SIPA1L1: variants seen among roughly 807,000 people sequenced by gnomAD.
The protein encoded by SIPA1L1 is signal-induced proliferation-associated 1-like protein 1.
A neutral mutation model predicts 162.7 loss-of-function variants in SIPA1L1; 26 were observed. The observed-to-expected ratio is 0.16, with a 90% CI of 0.12 to 0.22. The LOEUF (loss-of-function observed/expected upper bound fraction) is 0.22, where lower values mean the gene tolerates loss of function less well. SIPA1L1 is among the 10% of genes least tolerant of loss of function. The probability of loss-of-function intolerance (pLI) is 1.00; values close to 1 mark genes in which losing one functional copy is unlikely to be tolerated. For missense variants in SIPA1L1, 1,874 were observed against 2,241.0 expected (o/e 0.84, Z 3.31); for synonymous variants, 829 against 837.4 (o/e 0.99, Z 0.17).
At position 71,475,710 on chromosome 14, in the gene SIPA1L1, T is replaced by C. The variant is rs536456429; in HGVS notation, c.-464-37033T>C. 8.6e-4 allele frequency among the ~76,000 whole-genome samples: 131 copies of C among 152,334 alleles called. 1 individual carries two copies. The South Asian group carries it at 8.7e-3, about 10-fold the overall frequency. ...AACACATTTGTGGTTATTTTATGAA[T>C]TGAATGGCCAGAGCTATGTACATAG... On this transcript the variant is annotated intron_variant, in intron 2 of 23. Transcript: ENST00000381232.
intron 4 of SIPA1L1, among the ~76,000 whole-genome samples, chr14:71,579,705 T>TA (rs1034680401): frequency 3.3e-5 from 5 of 152,262 alleles, no homozygotes; most frequent in Non-Finnish European, 7.3e-5. Context: ...TTACTGTTGA[T>TA]ATCAATCATG....
rs753132104 is a variant in SIPA1L1, at chr14:71,723,749, A to T, written c.4311A>T (p.Pro1437=). The T allele has an allele frequency of 6.2e-7, 1 of 1,614,076 alleles. No homozygotes were observed. The highest frequency in any genetic ancestry group is 1.1e-5 in the South Asian group (1 of 91,080). The part of the protein sequence containing the change: ...LHPAAPSQLA[P]SFSSSSSSSS... Reference sequence around the variant, plus strand: ...CAGCTGCCCCCTCACAGCTCGCACCATCCTTCTCCTCCTCTTCCTCCTCCT... The same window carrying T: ...CAGCTGCCCCCTCACAGCTCGCACCTTCCTTCTCCTCCTCTTCCTCCTCCT... The change falls in exon 18 of 24, where the codon CCA becomes CCT. Residue 1437 remains proline, a synonymous_variant. Transcript: ENST00000381232.
chr14:71,646,241 A>G (rs997738070), intron 7 of SIPA1L1, among the ~76,000 whole-genome samples: 1 of 145,222 alleles, frequency 6.9e-6, no homozygotes, highest in Non-Finnish European at 1.5e-5. Flanking sequence ...CAGTGGCGCT[A>G]TCTCGGCTCA....
chr14:71,378,722 C>T (rs143957122), intron 2 of SIPA1L1, among the ~76,000 whole-genome samples: 99 of 152,040 alleles, frequency 6.5e-4, no homozygotes, highest in South Asian at 3.5e-3. Context: ...CTGAGTGATA[C>T]ATTGAAAATC....
At chr14:71,391,368 G>A (rs2040743780) in intron 2 of SIPA1L1, among the ~76,000 whole-genome samples, 1 of 152,196 alleles carries the variant, frequency 6.6e-6, no homozygotes, top group South Asian at 2.1e-4. Context: ...GCCTCCCAAA[G>A]TGCTGGGATT....
At position 71,536,321 on chromosome 14, in the gene SIPA1L1, CTT is replaced by C. The variant is rs1410290873; in HGVS notation, c.-303+6954_-303+6955del. Among the ~76,000 whole-genome samples the C allele has an allele frequency of 7.2e-5, 11 of 152,292 alleles. No homozygotes were observed. In the Middle Eastern group the frequency reaches 0.014, roughly 188 times the overall value. On this transcript the variant is annotated intron_variant, in intron 4 of 23. Coordinates refer to ENST00000381232, the MANE Select transcript of SIPA1L1 (RefSeq NM_001386936.1). ...AACCCTCTTAACTTCCAATGGGCTT[CTT>C]TTAAGTGTCTATGCTTAACAGAAGC... is the stretch of plus-strand genomic sequence containing the variant.
intron 9 of SIPA1L1, 83 bp from the exon 10 acceptor site, chr14:71,661,227 T>C (rs2043480027): frequency 3.5e-6 from 5 of 1,440,936 alleles, no homozygotes; most frequent in Non-Finnish European, 9.6e-7. Flanking sequence ...ATGGATGTTT[T>C]AAATACAGCT....
chr14:71,411,906 A>G (rs1191042764), intron 2 of SIPA1L1, among the ~76,000 whole-genome samples: 1 of 152,208 alleles, frequency 6.6e-6, no homozygotes, highest in Admixed American at 6.5e-5. Flanking sequence ...GAATGGAGTA[A>G]TTCTGATGGA....
At chr14:71,715,351 G>C (rs547055050) in intron 17 of SIPA1L1, among the ~76,000 whole-genome samples, 2 of 152,304 alleles carry the variant, frequency 1.3e-5, no homozygotes, top group African/African-American at 4.8e-5. Flanking sequence ...ATTTTAAGGT[G>C]CACAAATTAA....
At chr14:71,549,072 A>G (rs2055533380) in intron 4 of SIPA1L1, among the ~76,000 whole-genome samples, 1 of 152,164 alleles carries the variant, frequency 6.6e-6, no homozygotes, top group South Asian at 2.1e-4. Flanking sequence ...CCTCACTTTT[A>G]TTAAACTTAA....
At chr14:71,568,409 A>G (rs1199455518) in intron 4 of SIPA1L1, among the ~76,000 whole-genome samples, 2 of 152,200 alleles carry the variant, frequency 1.3e-5, no homozygotes, top group East Asian at 1.9e-4. Context: ...AGAAAGCATC[A>G]GTATGGTGAG....
chr14:71,425,587 G>A (rs2043501698), intron 2 of SIPA1L1, among the ~76,000 whole-genome samples: 1 of 152,096 alleles, frequency 6.6e-6, no homozygotes, highest in African/African-American at 2.4e-5. Flanking sequence ...ATTTTATGTG[G>A]CATCTTTGAA....
At chr14:71,640,751 C>T (rs777203608) in intron 7 of SIPA1L1, among the ~76,000 whole-genome samples, 3 of 152,132 alleles carry the variant, frequency 2.0e-5, no homozygotes, top group Non-Finnish European at 2.9e-5. Flanking sequence ...CAGCCTCCCG[C>T]AGAGCTGGGA....
chr14:71,622,837 T>C (rs1482343279), intron 6 of SIPA1L1, among the ~76,000 whole-genome samples: 1 of 152,158 alleles, frequency 6.6e-6, no homozygotes, highest in Non-Finnish European at 1.5e-5. Context: ...CAGTGAGGCG[T>C]GTACCACTCA....
chr14:71,633,589 T>C (rs1041615433), intron 7 of SIPA1L1, among the ~76,000 whole-genome samples: 3 of 152,180 alleles, frequency 2.0e-5, no homozygotes, highest in Non-Finnish European at 4.4e-5. Context: ...TAAAACTCAG[T>C]AGATAGGTTT....
At chr14:71,699,564 A>G (rs569495678) in intron 14 of SIPA1L1, among the ~76,000 whole-genome samples, 6 of 152,170 alleles carry the variant, frequency 3.9e-5, no homozygotes, top group Non-Finnish European at 8.8e-5. Flanking sequence ...ACACACTTTG[A>G]GGAATTCTGA....
chr14:71,723,809 C>A lies in SIPA1L1; in HGVS notation c.4371C>A (p.Gly1457=), dbSNP rs778856370. 1.9e-6 allele frequency: 3 copies of A among 1,614,070 alleles called. No homozygotes were observed. In the African/African-American group the frequency reaches 4.0e-5, roughly 22 times the overall value. The change falls in exon 18 of 24, where the codon GGC becomes GGA. Residue 1457 remains glycine, a synonymous_variant. Coordinates refer to ENST00000381232, the MANE Select transcript of SIPA1L1 (RefSeq NM_001386936.1). ...SGPRSFYPRQ[G]ATSKYLIGWK... is the part of the protein sequence containing the mutation. ...CTAGGAGTTTTTACCCTCGCCAGGG[C>A]GCTACTAGCAAGTACCTGATTGGAT...
intron 2 of SIPA1L1, among the ~76,000 whole-genome samples, chr14:71,448,091 C>T (rs2045550308): frequency 1.3e-5 from 2 of 152,192 alleles, no homozygotes; most frequent in South Asian, 4.1e-4. Flanking sequence ...AAGTGGATGT[C>T]ATCTCCGTTT....
At chr14:71,730,554 T>A (rs1040607714) in intron 20 of SIPA1L1, among the ~76,000 whole-genome samples, 1 of 152,174 alleles carries the variant, frequency 6.6e-6, no homozygotes, top group Non-Finnish European at 1.5e-5. Flanking sequence ...TCCAAAAGAA[T>A]AGTCTGGGAA....
Sources: gnomAD v4.1 joint callset for allele counts (sites outside exome capture counted in the v4.1 genomes callset) on GRCh38, gnomAD v4.1.1 for gene constraint, MANE v1.5 for transcripts, NCBI Gene and HGNC (gene_info 2026-07-23, HGNC 2026-07-21) for gene names.